PALD1: variants seen among roughly 807,000 people sequenced by gnomAD.
The protein encoded by PALD1 is phosphatase domain containing paladin 1.
In PALD1, 57 loss-of-function variants were observed where a neutral mutation model predicts 96.0. The observed-to-expected ratio is 0.59, with a 90% CI of 0.48 to 0.74. The LOEUF (loss-of-function observed/expected upper bound fraction) is 0.74, where lower values mean the gene tolerates loss of function less well. Ranked by LOEUF, PALD1 falls within the 30% of genes least tolerant of loss-of-function variation. The pLI, the probability that PALD1 is intolerant of heterozygous loss-of-function variation, is 0.00. For synonymous variants in PALD1, 464 were observed against 473.6 expected, an observed-to-expected ratio of 0.98 and a Z score of 0.26; for missense variants, 1,063 against 1,143.7, an observed-to-expected ratio of 0.93 and a Z score of 1.02.
At chr10:70,532,328 C>T (rs182188725) in intron 5 of PALD1, among the ~76,000 whole-genome samples, 3 of 152,352 alleles carry the variant, frequency 2.0e-5, no homozygotes, top group Admixed American at 6.5e-5. Context: ...CTGCTCCCCT[C>T]GGCTCCAGCT....
At chr10:70,555,377 CTG>C (rs1331419404) in intron 18 of PALD1, among the ~76,000 whole-genome samples, 1 of 152,162 alleles carries the variant, frequency 6.6e-6, no homozygotes, top group African/African-American at 2.4e-5. Context: ...TGAGAAGAAA[CTG>C]AGGCCTAATG....
the PALD1 span, among the ~76,000 whole-genome samples, chr10:70,471,208 C>G: frequency 6.6e-6 from 1 of 152,220 alleles, no homozygotes; most frequent in African/African-American, 2.4e-5. Flanking sequence ...ATCCATTGGC[C>G]TTGGCCTCCC....
chr10:70,463,399 C>CA, the PALD1 span, among the ~76,000 whole-genome samples: 54 of 149,436 alleles, frequency 3.6e-4, no homozygotes, highest in African/African-American at 9.3e-4. Context: ...GACTCCGTCT[C>CA]AAAAAAAAAG....
At chr10:70,511,810 T>C (rs1319606995) in intron 1 of PALD1, among the ~76,000 whole-genome samples, 1 of 152,212 alleles carries the variant, frequency 6.6e-6, no homozygotes, top group African/African-American at 2.4e-5. Context: ...AGGTGGATCA[T>C]GAGGTCAGGA....
the PALD1 span, among the ~76,000 whole-genome samples, chr10:70,465,766 AG>A: frequency 2.0e-5 from 3 of 152,124 alleles, no homozygotes; most frequent in Admixed American, 1.3e-4. Context: ...GAAGAGCTTG[AG>A]GGGGCTTGTT....
Position 70,532,859 on chromosome 10 carries a change from C to G in PALD1, c.794+78C>G, listed in dbSNP as rs887150745. The G allele has an allele frequency of 1.6e-5, 25 of 1,561,368 alleles. No homozygotes were observed. The East Asian group carries it at 5.4e-4, about 34-fold the overall frequency. Reference sequence around the variant, plus strand: ...CCAGCTGCAGCCTCAGTTTCACCATCTGCAGGTTGGGCGGAGTCCCCCACA... The same window carrying G: ...CCAGCTGCAGCCTCAGTTTCACCATGTGCAGGTTGGGCGGAGTCCCCCACA... On this transcript the variant is annotated intron_variant, in intron 6 of 19. Transcript: ENST00000263563.
the PALD1 span, among the ~76,000 whole-genome samples, chr10:70,460,824 G>C: frequency 6.6e-6 from 1 of 152,216 alleles, no homozygotes; most frequent in Non-Finnish European, 1.5e-5. Flanking sequence ...GGGAGGCCGA[G>C]GCGGGCGGAT....
the PALD1 span, among the ~76,000 whole-genome samples, chr10:70,468,813 G>A: frequency 7.3e-5 from 11 of 151,116 alleles, no homozygotes; most frequent in South Asian, 4.2e-4. Flanking sequence ...CTTGGCTCAC[G>A]GCAACCTCCG....
intron 1 of PALD1, among the ~76,000 whole-genome samples, chr10:70,506,032 AT>A (rs1415538963): frequency 6.6e-6 from 1 of 151,224 alleles, no homozygotes; most frequent in African/African-American, 2.4e-5. Flanking sequence ...AAAAAAAAAA[AT>A]AGTATTCTTT....
At chr10:70,554,931 CT>C (rs1847566653) in intron 18 of PALD1, among the ~76,000 whole-genome samples, 1 of 14,768 alleles carries the variant, frequency 6.8e-5, no homozygotes, top group African/African-American at 2.4e-4. Flanking sequence ...CCTCCCCCTC[CT>C]CCCCCTCCCC....
In PALD1 at chr10:70,540,293, G is replaced by A. The variant is rs931506972; in HGVS notation, c.1908+531G>A. ...TGTGGGTGGTGTGTGGAATGTGTGT[G>A]TGTGTGCATGTCTTTTTATGGAGTT... On this transcript the variant is annotated intron_variant, in intron 15 of 19. Transcript: ENST00000263563. This position sits in a 1 kb window ranked among gnomAD's most constrained non-coding sequence, Gnocchi z 4.2. Among the ~76,000 whole-genome samples, 2 of 151,850 alleles carry A rather than the reference G, an allele frequency of 1.3e-5. No homozygotes were observed. Among genetic ancestry groups the A allele is most frequent in the Non-Finnish European group, 2.9e-5 (2 of 67,940 alleles).
chr10:70,464,569 A>G, the PALD1 span, among the ~76,000 whole-genome samples: 1 of 149,290 alleles, frequency 6.7e-6, no homozygotes, highest in African/African-American at 2.5e-5. Flanking sequence ...GTTGCTTTGT[A>G]TGGGTAGTTC....
the PALD1 span, among the ~76,000 whole-genome samples, chr10:70,462,399 T>C: frequency 3.9e-5 from 6 of 152,240 alleles, no homozygotes; most frequent in Non-Finnish European, 7.3e-5. Context: ...CATAGGATTG[T>C]TGTGAGACTT....
intron 17 of PALD1, among the ~76,000 whole-genome samples, chr10:70,542,177 C>T (rs1847264147): frequency 6.6e-6 from 1 of 152,226 alleles, no homozygotes; most frequent in African/African-American, 2.4e-5. Flanking sequence ...CATGCAGCAC[C>T]TCACACTTGC....
In PALD1 at chr10:70,547,458, C is replaced by A. The variant is rs7478096; in HGVS notation, c.2262+12C>A. On this transcript the variant is annotated intron_variant, in intron 18 of 19. Coordinates refer to ENST00000263563, the MANE Select transcript of PALD1 (RefSeq NM_014431.3). ...GCACCTACCGCCAGGTGAGCCCCCA[C>A]CCCACCCCACCCCACCCTGCCCCAG... is the stretch of plus-strand genomic sequence containing the variant. 0.16 allele frequency: 237,005 copies of A among 1,506,166 alleles called. 18,839 individuals are homozygous for A. Among genetic ancestry groups the A allele is most frequent in the South Asian group, 0.19 (15,565 of 82,170 alleles). The allele number at this position is 1,506,166 out of a possible 1,614,324, so 93.3% of individuals were successfully genotyped here. A position where few individuals can be genotyped will look rare whatever the true frequency, so the allele number is the denominator to read the frequency against.
intron 12 of PALD1, 129 bp downstream of exon 12, chr10:70,538,537 T>A: frequency 1.0e-6 from 1 of 988,288 alleles, no homozygotes. Flanking sequence ...GCTGTGGGTG[T>A]TGGGATCCTC....
At chr10:70,519,573 C>CTTTCT (rs1240665131) in intron 1 of PALD1, among the ~76,000 whole-genome samples, 5,835 of 133,660 alleles carry the variant, frequency 0.044, 396 homozygotes, top group African/African-American at 0.13. Context: ...TTCTTTCTTT[C>CTTTCT]TTTTTTTTTT....
chr10:70,544,192 G>A (rs1227738197), intron 17 of PALD1, among the ~76,000 whole-genome samples: 1 of 152,186 alleles, frequency 6.6e-6, no homozygotes, highest in East Asian at 1.9e-4. Flanking sequence ...AGAGGAGGCA[G>A]CATTTGAGTG....
At chr10:70,537,384 G>T (rs543301268) in intron 10 of PALD1, among the ~76,000 whole-genome samples, 65 of 152,316 alleles carry the variant, frequency 4.3e-4, no homozygotes, top group African/African-American at 1.6e-3. Context: ...GACCACAGGC[G>T]TGAGCCACCG....
Sources: gnomAD v4.1 joint callset for allele counts (sites outside exome capture counted in the v4.1 genomes callset) on GRCh38, gnomAD v4.1.1 for gene constraint, Gnocchi (gnomAD v3.1) non-coding constraint, MANE v1.5 for transcripts, NCBI Gene and HGNC (gene_info 2026-07-23, HGNC 2026-07-21) for gene names.